The following AOPEP variants were observed in gnomAD, a reference collection of about 807,000 sequenced individuals.
AOPEP encodes aminopeptidase O.
In AOPEP, 77 loss-of-function variants were observed where a neutral mutation model predicts 98.1. That is an observed-to-expected ratio of 0.78 (90% CI 0.65 to 0.95). The LOEUF is 0.95. Among genes scored for constraint, AOPEP ranks in the 40% least tolerant of loss-of-function variants. The pLI is 0.00. For synonymous variants in AOPEP, 346 were observed against 365.3 expected (o/e 0.95, Z 0.60); for missense variants, 1,024 against 1,024.7 (o/e 1.00, Z 0.01).
chr9:94,916,886 A>C (rs559849479), intron 5 of AOPEP, among the ~76,000 whole-genome samples: 31 of 152,286 alleles, frequency 2.0e-4, no homozygotes, highest in Non-Finnish European at 4.1e-4. Flanking sequence ...GTTCTCATCT[A>C]TGAGATTCTG....
chr9:95,047,334 A>G (rs535751975), intron 13 of AOPEP, among the ~76,000 whole-genome samples: 1 of 152,368 alleles, frequency 6.6e-6, no homozygotes, highest in East Asian at 1.9e-4. Flanking sequence ...CCTTTCACGT[A>G]AACTTTGTTC....
intron 7 of AOPEP, among the ~76,000 whole-genome samples, chr9:94,947,541 C>CCCATATT (rs2057773805): frequency 6.6e-6 from 1 of 152,168 alleles, no homozygotes; most frequent in African/African-American, 2.4e-5. Context: ...TGCACCCAGC[C>CCCATATT]CCATATTTCA....
At chr9:94,940,272 G>T (rs903961099) in intron 7 of AOPEP, among the ~76,000 whole-genome samples, 17 of 152,202 alleles carry the variant, frequency 1.1e-4, no homozygotes, top group Admixed American at 1.3e-4. Flanking sequence ...TGTATGTTAA[G>T]TTGAATCACA....
chr9:94,776,199 G>A (rs561748226), intron 3 of AOPEP, among the ~76,000 whole-genome samples: 8 of 152,014 alleles, frequency 5.3e-5, no homozygotes, highest in Non-Finnish European at 1.2e-4. Context: ...ACAAATTGTA[G>A]CATGCTAGAC....
At chr9:94,915,803 CT>C (rs780861650) in intron 5 of AOPEP, among the ~76,000 whole-genome samples, 21 of 152,240 alleles carry the variant, frequency 1.4e-4, no homozygotes, top group Admixed American at 3.3e-4. Context: ...GGCTTGGCTT[CT>C]TGCTGTCAGT....
At chr9:95,091,641 T>G (rs1460254478), downstream of AOPEP, among the ~76,000 whole-genome samples, 1 of 152,102 alleles carries the variant, frequency 6.6e-6, no homozygotes, top group Non-Finnish European at 1.5e-5. Flanking sequence ...CTCTGGAGAT[T>G]TACAAGGTGG....
intron 5 of AOPEP, among the ~76,000 whole-genome samples, chr9:94,836,283 A>G (rs1167109049): frequency 6.6e-6 from 1 of 152,234 alleles, no homozygotes. Context: ...GTATGTATAT[A>G]TTTAAGAAAT....
the AOPEP span, among the ~76,000 whole-genome samples, chr9:95,105,842 G>C: frequency 3.1e-3 from 472 of 152,288 alleles, 2 homozygotes; most frequent in African/African-American, 0.011. Context: ...ACTCTCTTGT[G>C]GGTACAGATC....
chr9:95,135,052 C>G, the AOPEP span, among the ~76,000 whole-genome samples: 1 of 152,152 alleles, frequency 6.6e-6, no homozygotes, highest in Non-Finnish European at 1.5e-5. Flanking sequence ...ATTTTCCATG[C>G]TGAAATAAGA....
At chr9:95,079,599 C>G (rs2134205508) in intron 14 of AOPEP, among the ~76,000 whole-genome samples, 1 of 152,328 alleles carries the variant, frequency 6.6e-6, no homozygotes, top group Middle Eastern at 3.4e-3. Context: ...CATGTGCCTG[C>G]AGCACCGAGC....
rs112415221 is a variant in AOPEP, at chr9:94,943,855, G to T, written c.1662-11322G>T. ...GAATCACTTGAACCCGAGGGGCAGA[G>T]GTTGCAGTGAGCTGAGATTGTACCA... On this transcript the variant is annotated intron_variant, in intron 7 of 16. Coordinates refer to ENST00000375315, the MANE Select transcript of AOPEP (RefSeq NM_001193329.3). Among the ~76,000 whole-genome samples, 12 of 147,258 alleles carry T rather than the reference G, an allele frequency of 8.1e-5. 1 individual carries two copies. Among genetic ancestry groups the T allele is most frequent in the African/African-American group, 3.0e-4 (12 of 39,758 alleles).
the AOPEP span, among the ~76,000 whole-genome samples, chr9:95,105,759 C>T: frequency 6.6e-6 from 1 of 152,242 alleles, no homozygotes; most frequent in African/African-American, 2.4e-5. Context: ...CTTATTTCAA[C>T]AGCACAGTGT....
the AOPEP span, among the ~76,000 whole-genome samples, chr9:95,127,627 G>A: frequency 6.6e-6 from 1 of 152,214 alleles, no homozygotes; most frequent in Admixed American, 6.5e-5. Context: ...GCATTCACAT[G>A]TTAGTGGATC....
intron 13 of AOPEP, among the ~76,000 whole-genome samples, chr9:95,038,668 G>A (rs2065033820): frequency 6.6e-6 from 1 of 152,188 alleles, no homozygotes; most frequent in Non-Finnish European, 1.5e-5. Flanking sequence ...TCTCCTCAAG[G>A]GAACGAGTCT....
chr9:94,945,225 A>T (rs775135542), intron 7 of AOPEP, among the ~76,000 whole-genome samples: 26 of 152,196 alleles, frequency 1.7e-4, no homozygotes, highest in Non-Finnish European at 3.2e-4. Context: ...ATGCCATGCT[A>T]TACCTCCCAT....
intron 5 of AOPEP, among the ~76,000 whole-genome samples, chr9:94,827,913 A>G (rs1484460303): frequency 6.6e-6 from 1 of 152,226 alleles, no homozygotes; most frequent in Non-Finnish European, 1.5e-5. Flanking sequence ...TATTATTTAA[A>G]AAGATTCCCA....
intron 5 of AOPEP, among the ~76,000 whole-genome samples, chr9:94,826,724 G>T (rs1207126066): frequency 1.3e-5 from 2 of 152,138 alleles, no homozygotes; most frequent in Non-Finnish European, 2.9e-5. Context: ...GGTGGTGGTT[G>T]TAATGTGGGG....
chr9:94,950,136 GT>G (rs1289475469), intron 7 of AOPEP, among the ~76,000 whole-genome samples: 1 of 152,188 alleles, frequency 6.6e-6, no homozygotes, highest in Admixed American at 6.5e-5. Context: ...GTGAGTTCCT[GT>G]GTCCCCTCCC....
At chr9:94,947,228 G>A (rs184422563) in intron 7 of AOPEP, among the ~76,000 whole-genome samples, 252 of 151,490 alleles carry the variant, frequency 1.7e-3, no homozygotes, top group Non-Finnish European at 2.9e-3. Flanking sequence ...TGATCCACCC[G>A]CCTCGGCCTC....
Sources: gnomAD v4.1 joint callset for allele counts (sites outside exome capture counted in the v4.1 genomes callset) on GRCh38, gnomAD v4.1.1 for gene constraint, MANE v1.5 for transcripts, NCBI Gene and HGNC (gene_info 2026-07-23, HGNC 2026-07-21) for gene names.